Variants in OTOA observed in about 807,000 individuals in gnomAD.
OTOA encodes the protein cancer/testis antigen 108.
In OTOA, 70 loss-of-function variants were observed where a neutral mutation model predicts 110.8. That is an observed-to-expected ratio of 0.63 (90% confidence interval 0.52 to 0.77). The LOEUF is 0.77. Ranked by LOEUF, OTOA falls within the 30% of genes least tolerant of loss-of-function variation. The probability of loss-of-function intolerance (pLI) is 0.00; values close to 1 mark genes in which losing one functional copy is unlikely to be tolerated. For synonymous variants in OTOA, 373 were observed against 431.5 expected, an observed-to-expected ratio of 0.86 and a Z score of 1.68; for missense variants, 917 against 1,075.8, an observed-to-expected ratio of 0.85 and a Z score of 2.06.
At chr16:21,692,969 T>C (rs544928718) in intron 9 of OTOA, among the ~76,000 whole-genome samples, 1 of 129,282 alleles carries the variant, frequency 7.7e-6, no homozygotes, top group Admixed American at 8.0e-5. Context: ...GAAAAGAAAA[T>C]TGGGGCCAAG....
intron 9 of OTOA, among the ~76,000 whole-genome samples, chr16:21,697,401 G>A (rs1472466725): frequency 2.0e-5 from 3 of 152,178 alleles, no homozygotes; most frequent in South Asian, 2.1e-4. Flanking sequence ...GGAGGCAAGA[G>A]GCGGGCAGAT....
intron 1 of OTOA, among the ~76,000 whole-genome samples, chr16:21,674,403 C>G (rs1248524244): frequency 1.3e-5 from 2 of 151,836 alleles, no homozygotes; most frequent in Admixed American, 6.6e-5. Context: ...CTCTGCCTCC[C>G]AGTCACTGCA....
Position 21,712,683 on chromosome 16 carries a change from A to T in OTOA, c.1321-2302A>T, listed in dbSNP as rs547044019. Among the ~76,000 whole-genome samples, 17 of 29,306 alleles carry T rather than the reference A, an allele frequency of 5.8e-4. No individual in the cohort carries two copies. The South Asian group carries it at 6.0e-3, about 10-fold the overall frequency. The allele number at this position is 29,306 out of a possible 152,430, so 19.2% of individuals were successfully genotyped here. ...GTGAAACCATGTCTCTACTAAAAAT[A>T]AAAAAAAAAAAATTAGCTGGGCATG... On this transcript the variant is annotated intron_variant, in intron 13 of 28. Transcript: ENST00000646100.
At chr16:21,681,711 TC>T (rs1166353716) in intron 5 of OTOA, 26 bp from the exon 6 acceptor site, 1 of 1,583,822 alleles carries the variant, frequency 6.3e-7, no homozygotes. Context: ...GTCATTGTGA[TC>T]TTTTCCTGTC....
chr16:21,699,952 A>C (rs1898018996), intron 10 of OTOA, among the ~76,000 whole-genome samples: 1 of 151,734 alleles, frequency 6.6e-6, no homozygotes, highest in African/African-American at 2.4e-5. Context: ...AATAAAAACA[A>C]AAATAAAATA....
At chr16:21,670,341 A>T (rs1326790863) in intron 1 of OTOA, among the ~76,000 whole-genome samples, 1 of 152,044 alleles carries the variant, frequency 6.6e-6, no homozygotes, top group Non-Finnish European at 1.5e-5. Context: ...TGCTCCTAAT[A>T]TCAAAGCCTT....
chr16:21,758,824 A>G (rs1400004229), intron 28 of OTOA, among the ~76,000 whole-genome samples: 2 of 151,684 alleles, frequency 1.3e-5, no homozygotes, highest in Non-Finnish European at 2.9e-5. Flanking sequence ...CAACATGGCA[A>G]AACCCCGTCT....
intron 13 of OTOA, 38 bp downstream of exon 13, chr16:21,710,141 G>A: frequency 1.3e-6 from 2 of 1,541,798 alleles, no homozygotes; most frequent in Non-Finnish European, 1.8e-6. Flanking sequence ...ATTCCCCTAA[G>A]ATGACCTAAG....
chr16:21,710,253 A>C (rs1324615256), intron 13 of OTOA, 150 bp downstream of exon 13: 1 of 918,242 alleles, frequency 1.1e-6, no homozygotes, highest in Non-Finnish European at 1.6e-6. Flanking sequence ...GAAGTCCAAC[A>C]TCGAGGTGTC....
intron 2 of OTOA, 133 bp from the exon 3 acceptor site, chr16:21,678,782 G>A (rs997853901): frequency 2.4e-6 from 3 of 1,256,894 alleles, no homozygotes; most frequent in Non-Finnish European, 3.5e-6. Flanking sequence ...TCTCAGAGTG[G>A]ACAGTTATAA....
intron 14 of OTOA, among the ~76,000 whole-genome samples, chr16:21,715,674 T>C (rs957768385): frequency 3.3e-5 from 5 of 151,910 alleles, no homozygotes; most frequent in Admixed American, 3.3e-4. Flanking sequence ...CAAGCCACCA[T>C]GTCTGGCTAA....
At chr16:21,734,064 G>A (rs1473913119) in intron 21 of OTOA, among the ~76,000 whole-genome samples, 2 of 151,612 alleles carry the variant, frequency 1.3e-5, no homozygotes, top group Non-Finnish European at 2.9e-5. Flanking sequence ...CCTCCCAAGT[G>A]CTAGGATTAC....
intron 11 of OTOA, among the ~76,000 whole-genome samples, chr16:21,703,683 C>T (rs374890363): frequency 2.7e-4 from 41 of 152,196 alleles, no homozygotes; most frequent in African/African-American, 9.6e-4. Flanking sequence ...AAATCTTTTC[C>T]CTGGACCTGG....
intron 8 of OTOA, among the ~76,000 whole-genome samples, chr16:21,688,182 G>A (rs1897757884): frequency 6.6e-6 from 1 of 151,970 alleles, no homozygotes; most frequent in South Asian, 2.1e-4. Context: ...GATGTCAGCA[G>A]TTCGAGACCA....
Position 21,678,507 on chromosome 16 carries a change from A to G in OTOA, c.-4-4A>G. ...AATCACTTCTATGCTTAAATTAACTACAGGAGAATGTCTCAGGAACCTACG... is the reference window on the plus strand; with the variant it reads ...AATCACTTCTATGCTTAAATTAACTGCAGGAGAATGTCTCAGGAACCTACG... On this transcript the variant is annotated splice_region_variant and splice_polypyrimidine_tract_variant and intron_variant, in intron 1 of 28. Coordinates refer to ENST00000646100, the MANE Select transcript of OTOA (RefSeq NM_144672.4). The G allele has an allele frequency of 1.2e-6, 2 of 1,608,168 alleles. No individual in the cohort carries two copies. Among genetic ancestry groups the G allele is most frequent in the Non-Finnish European group, 1.7e-6 (2 of 1,175,080 alleles).
chr16:21,728,414 G>A lies in OTOA; in HGVS notation c.2190G>A (p.Lys730=), dbSNP rs749507212. 6.8e-6 allele frequency: 11 copies of A among 1,613,916 alleles called. No individual in the cohort carries two copies. In the Admixed American group the frequency reaches 1.8e-4, roughly 27 times the overall value. ...AGCAAAAGGCTGCAGTGAGGCTCAA[G>A]CTCCTGGGACAGTATGGGTGAGGAG... ...NPEQKAAVRL[K]LLGQYGLPQH... Residue 730 remains lysine (K), a synonymous_variant, in exon 20 of 29, where the codon AAG becomes AAA. Transcript: ENST00000646100.
At chr16:21,680,654 C>T (rs569295724) in intron 5 of OTOA, among the ~76,000 whole-genome samples, 2 of 151,900 alleles carry the variant, frequency 1.3e-5, no homozygotes, top group East Asian at 3.9e-4. Flanking sequence ...GGAGTTCCAG[C>T]CCAGCCCGGC....
intron 9 of OTOA, among the ~76,000 whole-genome samples, chr16:21,693,565 T>C (rs1897876010): frequency 6.6e-6 from 1 of 152,142 alleles, no homozygotes; most frequent in Non-Finnish European, 1.5e-5. Context: ...ATTTAGATAC[T>C]GGTAGCGGCT....
chr16:21,756,000 T>G (rs1162225551), intron 27 of OTOA, among the ~76,000 whole-genome samples: 2 of 150,472 alleles, frequency 1.3e-5, no homozygotes, highest in Non-Finnish European at 3.0e-5. Flanking sequence ...GGAGTGGGGT[T>G]CCTGGAAGGG....
Sources: gnomAD v4.1 joint callset for allele counts (sites outside exome capture counted in the v4.1 genomes callset) on GRCh38, gnomAD v4.1.1 for gene constraint, MANE v1.5 for transcripts, NCBI Gene and HGNC (gene_info 2026-07-23, HGNC 2026-07-21) for gene names.